Variants in NFIB observed in about 807,000 individuals in gnomAD.
NFIB encodes nuclear factor 1 B-type.
NFIB carries 11 observed loss-of-function variants against 61.5 expected under a neutral mutation model. The observed-to-expected ratio is 0.18, with a 90% confidence interval of 0.11 to 0.30. The LOEUF (loss-of-function observed/expected upper bound fraction) is 0.30, where lower values mean the gene tolerates loss of function less well. Among genes scored for constraint, NFIB ranks in the 10% least tolerant of loss-of-function variants. NFIB has a pLI of 1.00. For missense variants in NFIB, 471 were observed against 608.9 expected (o/e 0.77, Z 2.38); for synonymous variants, 260 against 216.5 (o/e 1.20, Z -1.76).
the NFIB span, among the ~76,000 whole-genome samples, chr9:14,447,055 T>G: frequency 6.6e-6 from 1 of 152,180 alleles, no homozygotes; most frequent in Admixed American, 6.5e-5. Flanking sequence ...CAGAAATTCC[T>G]TATATGCTTG....
At chr9:14,345,892 TTGCTTCTCCTCGGG>T (rs1273528302) in intron 1 of NFIB, among the ~76,000 whole-genome samples, 1 of 152,164 alleles carries the variant, frequency 6.6e-6, no homozygotes, top group African/African-American at 2.4e-5. Context: ...CTGCACGGTT[TTGCTTCTCCTCGGG>T]TGCCATTTCG....
chr9:14,158,148 A>G (rs2043679089), intron 3 of NFIB, among the ~76,000 whole-genome samples: 1 of 152,000 alleles, frequency 6.6e-6, no homozygotes, highest in South Asian at 2.1e-4. Flanking sequence ...AAAAAAACAA[A>G]ACAACCTCCT....
Position 14,283,443 on chromosome 9 carries a change from C to T in NFIB, c.562+23546G>A, listed in dbSNP as rs542123566. On this transcript the variant is annotated intron_variant, in intron 2 of 10. Transcript: ENST00000380953. The stretch of plus-strand genomic sequence containing the variant: ...GATCAAAGTTCCTCTGTTTTAACTG[C>T]CACATTCCATCCTGGACCTAATAGT... Among the ~76,000 whole-genome samples, 21 of 152,292 alleles carry T rather than the reference C, an allele frequency of 1.4e-4. No homozygotes were observed. In the South Asian group the frequency reaches 4.1e-3, roughly 30 times the overall value.
rs2048395768 is a variant in NFIB, at chr9:14,195,746, T to G, written c.563-15966A>C. On this transcript the variant is annotated intron_variant, in intron 2 of 10. Coordinates refer to ENST00000380953, the MANE Select transcript of NFIB (RefSeq NM_001190737.2). ...AAAGTGACAACACTGTTCAACTTTCTTTTCACAGAGCAGGAATCTTTTATG... is the reference window on the plus strand; with the variant it reads ...AAAGTGACAACACTGTTCAACTTTCGTTTCACAGAGCAGGAATCTTTTATG... Among the ~76,000 whole-genome samples the G allele has an allele frequency of 2.6e-5, 4 of 152,170 alleles. No homozygotes were observed. In the South Asian group the frequency reaches 8.3e-4, roughly 32 times the overall value.
At chr9:14,460,022 A>G in the NFIB span, among the ~76,000 whole-genome samples, 3 of 152,162 alleles carry the variant, frequency 2.0e-5, no homozygotes, top group Non-Finnish European at 2.9e-5. Flanking sequence ...TACTGAGTAT[A>G]TACCCAAAGG....
At chr9:14,145,334 T>C (rs920928947) in intron 6 of NFIB, among the ~76,000 whole-genome samples, 3 of 152,130 alleles carry the variant, frequency 2.0e-5, no homozygotes, top group Non-Finnish European at 4.4e-5. Context: ...CCCTCACTTC[T>C]TTACTAGTTA....
the NFIB span, among the ~76,000 whole-genome samples, chr9:14,442,818 A>G: frequency 6.6e-6 from 1 of 152,186 alleles, no homozygotes; most frequent in South Asian, 2.1e-4. Flanking sequence ...ACACGGCTTA[A>G]CCCATAAACC....
At chr9:14,414,370 G>A in the NFIB span, among the ~76,000 whole-genome samples, 1 of 150,350 alleles carries the variant, frequency 6.7e-6, no homozygotes, top group African/African-American at 2.5e-5. Context: ...GAGAGGCAGA[G>A]GTTGCAGTGA....
At chr9:14,168,062 T>C (rs2045108454) in intron 3 of NFIB, among the ~76,000 whole-genome samples, 1 of 152,168 alleles carries the variant, frequency 6.6e-6, no homozygotes, top group African/African-American at 2.4e-5. Context: ...TAATCATGTC[T>C]AGGATGTGGT....
At chr9:14,456,437 T>C in the NFIB span, among the ~76,000 whole-genome samples, 15 of 152,186 alleles carry the variant, frequency 9.9e-5, no homozygotes, top group African/African-American at 3.6e-4. Context: ...TTTCAACTTA[T>C]ATAGACATAT....
Position 14,313,630 on chromosome 9 carries a change from C to A in NFIB, c.-119G>T, listed in dbSNP as rs539990881. The A allele has an allele frequency of 4.1e-5, 65 of 1,576,792 alleles. 1 individual carries two copies. In the African/African-American group the frequency reaches 5.5e-4, roughly 13 times the overall value. On this transcript the variant is annotated 5_prime_UTR_variant, in exon 1 of 11. Coordinates refer to ENST00000380953, the MANE Select transcript of NFIB (RefSeq NM_001190737.2). The surrounding 1 kb of genome is among the most constrained non-coding windows in gnomAD (Gnocchi z 4.5). ...CGCGATGCGATCAATCAGGACGGGG[C>A]TCTGCGCTGGATCACCGCAACTTCA...
intron 2 of NFIB, among the ~76,000 whole-genome samples, chr9:14,184,673 T>C (rs1290362909): frequency 1.3e-5 from 2 of 152,204 alleles, no homozygotes; most frequent in Admixed American, 6.5e-5. Context: ...CTGAGGTAGA[T>C]AAATCATCAA....
At chr9:14,289,611 A>G (rs2058960158) in intron 2 of NFIB, among the ~76,000 whole-genome samples, 1 of 152,008 alleles carries the variant, frequency 6.6e-6, no homozygotes, top group South Asian at 2.1e-4. Context: ...ACATATACAT[A>G]CATACATACA....
chr9:14,215,731 C>T (rs1358189705), intron 2 of NFIB, among the ~76,000 whole-genome samples: 2 of 152,254 alleles, frequency 1.3e-5, no homozygotes, highest in Non-Finnish European at 2.9e-5. Context: ...GCATAACTTC[C>T]TCTGTAATAC....
At chr9:14,328,604 A>G (rs1382130460) in intron 1 of NFIB, among the ~76,000 whole-genome samples, 1 of 152,072 alleles carries the variant, frequency 6.6e-6, no homozygotes, top group Non-Finnish European at 1.5e-5. Context: ...TTTCATGTGC[A>G]TATATCTGGT....
the NFIB span, among the ~76,000 whole-genome samples, chr9:14,445,389 G>T: frequency 6.6e-6 from 1 of 152,028 alleles, no homozygotes; most frequent in Non-Finnish European, 1.5e-5. Flanking sequence ...TCAAGAGAGT[G>T]TTCTTACCAT....
At chr9:14,189,125 G>A (rs1012747545) in intron 2 of NFIB, among the ~76,000 whole-genome samples, 2 of 152,150 alleles carry the variant, frequency 1.3e-5, no homozygotes, top group Non-Finnish European at 2.9e-5. Flanking sequence ...TTATCCTGGA[G>A]TCTTCACGCA....
In NFIB at chr9:14,197,048, C is replaced by T. The variant is rs866292410; in HGVS notation, c.563-17268G>A. The stretch of plus-strand genomic sequence containing the variant: ...GGCTCTTTCTTACCTTCCATTTGTA[C>T]TAAATATGATAAAGATAGCAAGAAT... On this transcript the variant is annotated intron_variant, in intron 2 of 10. Coordinates refer to ENST00000380953, the MANE Select transcript of NFIB (RefSeq NM_001190737.2). 3.9e-5 allele frequency among the ~76,000 whole-genome samples: 6 copies of T among 152,142 alleles called. No individual in the cohort carries two copies. In the South Asian group the frequency reaches 1.0e-3, roughly 26 times the overall value.
intron 1 of NFIB, among the ~76,000 whole-genome samples, chr9:14,365,703 A>G (rs569848209): frequency 7.1e-4 from 108 of 152,336 alleles, no homozygotes; most frequent in African/African-American, 2.4e-3. Context: ...TCCAACAAAC[A>G]TATGCTCTTA....
Sources: allele counts gnomAD v4.1 joint callset (sites outside exome capture counted in the v4.1 genomes callset), GRCh38; gene constraint gnomAD v4.1.1; non-coding constraint Gnocchi (gnomAD v3.1); transcripts MANE v1.5; gene names NCBI Gene and HGNC (gene_info 2026-07-23, HGNC 2026-07-21).